The following IFNAR2 variants were observed in gnomAD, a reference collection of about 807,000 sequenced individuals.
IFNAR2 encodes interferon alpha/beta receptor 2.
IFNAR2 carries 30 observed loss-of-function variants against 49.4 expected under a neutral mutation model. The ratio of observed to expected loss-of-function variants is 0.61; its 90% CI spans 0.45 to 0.82. The LOEUF is 0.82. Among genes scored for constraint, IFNAR2 ranks in the 40% least tolerant of loss-of-function variants. The pLI, the probability that IFNAR2 is intolerant of heterozygous loss-of-function variation, is 0.00. For synonymous variants in IFNAR2, 224 were observed against 234.5 expected (o/e 0.96, Z 0.41); for missense variants, 600 against 622.7 (o/e 0.96, Z 0.39).
intron 7 of IFNAR2, among the ~76,000 whole-genome samples, chr21:33,254,594 G>A (rs999666874): frequency 6.6e-6 from 1 of 152,154 alleles, no homozygotes; most frequent in Non-Finnish European, 1.5e-5. Context: ...CCTGCTACCA[G>A]AGGCTTCATC....
At chr21:33,258,466 A>G (rs778602433) in intron 7 of IFNAR2, among the ~76,000 whole-genome samples, 18 of 152,216 alleles carry the variant, frequency 1.2e-4, no homozygotes, top group Non-Finnish European at 2.5e-4. Context: ...TAGAGCCTCC[A>G]TAAGGAGTTC....
At chr21:33,246,180 C>T (rs1987386100) in intron 4 of IFNAR2, among the ~76,000 whole-genome samples, 2 of 151,960 alleles carry the variant, frequency 1.3e-5, no homozygotes, top group African/African-American at 2.4e-5. Flanking sequence ...ACGCCATTCT[C>T]CTGCCTCAGC....
chr21:33,238,680 G>GT (rs5843594), intron 1 of IFNAR2, among the ~76,000 whole-genome samples: 47,914 of 149,714 alleles, frequency 0.32, 8,142 homozygotes, highest in East Asian at 0.58. Flanking sequence ...TGGGGGGGTT[G>GT]TTTTTTTTAA....
intron 1 of IFNAR2, among the ~76,000 whole-genome samples, chr21:33,240,622 C>A (rs983655727): frequency 1.3e-5 from 2 of 151,940 alleles, no homozygotes; most frequent in African/African-American, 4.8e-5. Flanking sequence ...TCAGCCTGGG[C>A]AACATAGTGA....
chr21:33,248,722 A>G lies in IFNAR2; in HGVS notation c.408A>G (p.Pro136=), dbSNP rs1309756963. ...FWLAIDMSFE[P]PEFEIVGFTN... is the part of the protein sequence containing the mutation. The stretch of plus-strand genomic sequence containing the variant: ...TTTTTTGCACAGTGTCTTTTGAACC[A>G]CCAGAGTTTGAGATTGTTGGTTTTA... Residue 136 remains proline, a synonymous_variant, in exon 6 of 9, where the codon CCA becomes CCG. Coordinates refer to ENST00000342136, the MANE Select transcript of IFNAR2 (RefSeq NM_001289125.3). 4 of 1,606,952 alleles carry G rather than the reference A, an allele frequency of 2.5e-6. No individual in the cohort carries two copies. Among genetic ancestry groups the G allele is most frequent in the African/African-American group, 1.3e-5 (1 of 74,570 alleles).
chr21:33,250,297 C>CT (rs1987751744), intron 6 of IFNAR2, among the ~76,000 whole-genome samples: 1 of 151,970 alleles, frequency 6.6e-6, no homozygotes, highest in East Asian at 1.9e-4. Context: ...GCAACTAACT[C>CT]TATGTTTTAG....
Position 33,230,100 on chromosome 21 carries a change from T to C in IFNAR2, c.-200T>C, listed in dbSNP as rs1267629793. On this transcript the variant is annotated 5_prime_UTR_variant, in exon 1 of 9. Transcript: ENST00000342136. This position sits in a 1 kb window ranked among gnomAD's most constrained non-coding sequence, Gnocchi z 5.5. The stretch of plus-strand genomic sequence containing the variant: ...GCTTTTGTCCCCCGCCCGCCGCTTC[T>C]GTCCGAGAGGCCGCCCGCGAGGCGC... 1 of 988,052 alleles carries C rather than the reference T, an allele frequency of 1.0e-6. No individual in the cohort carries two copies. Among genetic ancestry groups the C allele is most frequent in the African/African-American group, 1.7e-5 (1 of 57,236 alleles). 61.2% of individuals were successfully genotyped at this position (988,052 alleles called of 1,614,324 possible). A position where few individuals can be genotyped will look rare whatever the true frequency, so the allele number is the denominator to read the frequency against.
intron 6 of IFNAR2, chr21:33,252,019 G>T (rs1987873860): frequency 3.8e-6 from 1 of 265,216 alleles, no homozygotes; most frequent in African/African-American, 2.3e-5. Context: ...GGAGGTGGAG[G>T]TTGCAGTGAG....
At chr21:33,231,976 A>G (rs912192158) in intron 1 of IFNAR2, among the ~76,000 whole-genome samples, 3 of 152,190 alleles carry the variant, frequency 2.0e-5, no homozygotes, top group African/African-American at 7.2e-5. Context: ...CTGACCTCAA[A>G]TGATCCACCT....
chr21:33,235,570 T>A (rs1986386049), intron 1 of IFNAR2, among the ~76,000 whole-genome samples: 1 of 152,192 alleles, frequency 6.6e-6, no homozygotes, highest in Non-Finnish European at 1.5e-5. Context: ...TAAAGCCTTT[T>A]CTTCCACAGT....
intron 1 of IFNAR2, among the ~76,000 whole-genome samples, chr21:33,239,255 G>A (rs11909328): frequency 0.012 from 1,819 of 152,208 alleles, 35 homozygotes; most frequent in African/African-American, 0.041. Context: ...GTGTTCAGCC[G>A]ATGGGGAGCC....
Position 33,237,291 on chromosome 21 carries a change from T to A in IFNAR2, c.-83-4549T>A, listed in dbSNP as rs1137779. Among the ~76,000 whole-genome samples the A allele has an allele frequency of 5.0e-4, 76 of 151,746 alleles. No individual in the cohort carries two copies. The Middle Eastern group carries it at 0.01, about 20-fold the overall frequency. ...TCACATCCATAATCCAAGCCCTTTG[T>A]GGGGCTGAGGCCGGAGGATCACTTG... On this transcript the variant is annotated intron_variant, in intron 1 of 8. Transcript: ENST00000342136.
chr21:33,235,208 A>G (rs1986356803), intron 1 of IFNAR2, among the ~76,000 whole-genome samples: 1 of 152,190 alleles, frequency 6.6e-6, no homozygotes, highest in Non-Finnish European at 1.5e-5. Flanking sequence ...GTCCTGTCTT[A>G]TCAGCAGGGT....
chr21:33,260,634 T>G lies in IFNAR2; in HGVS notation c.747T>G (p.Thr249=), dbSNP rs768442811. Residue 249 remains threonine, a synonymous_variant, in exon 8 of 9, where the codon ACT becomes ACG. Coordinates refer to ENST00000342136, the MANE Select transcript of IFNAR2 (RefSeq NM_001289125.3). ...CTGCCAAAATAGGAGGAATAATTAC[T>G]GTGTTTTTGATAGCATTGGTCTTGA... ...AESAKIGGII[T]VFLIALVLTS... 10 of 1,598,564 alleles carry G rather than the reference T, an allele frequency of 6.3e-6. No homozygotes were observed. Among genetic ancestry groups the G allele is most frequent in the Admixed American group, 3.6e-5 (2 of 55,064 alleles).
At chr21:33,249,455 G>A (rs1016496550) in intron 6 of IFNAR2, among the ~76,000 whole-genome samples, 3 of 152,094 alleles carry the variant, frequency 2.0e-5, no homozygotes, top group Admixed American at 6.5e-5. Context: ...GTGAACCCTG[G>A]AGAGATTTAT....
chr21:33,242,775 G>A (rs1474366798), intron 2 of IFNAR2, among the ~76,000 whole-genome samples: 2 of 17,032 alleles, frequency 1.2e-4, no homozygotes, highest in Admixed American at 8.1e-4. Flanking sequence ...GTGTGTGTGT[G>A]TGTGTGTGTG....
chr21:33,242,733 A>AAAG (rs1394644685), intron 2 of IFNAR2, among the ~76,000 whole-genome samples: 1 of 98,772 alleles, frequency 1.0e-5, no homozygotes, highest in Non-Finnish European at 2.0e-5. Context: ...TGTCTCAAAA[A>AAAG]AAAAAAAAAA....
chr21:33,239,266 C>A (rs12482060), intron 1 of IFNAR2, among the ~76,000 whole-genome samples: 7 of 152,082 alleles, frequency 4.6e-5, no homozygotes, highest in East Asian at 1.9e-4. Context: ...ATGGGGAGCC[C>A]CAAATAAGAG....
chr21:33,232,979 A>G lies in IFNAR2; in HGVS notation c.-84+2763A>G, dbSNP rs17860128. ...AACGTGGATTGCAAGACGTCTTACT[A>G]AAAACAAAGAATTACACTTGGAACA... On this transcript the variant is annotated intron_variant, in intron 1 of 8. Transcript: ENST00000342136. 1.6e-3 allele frequency: 1,575 copies of G among 973,582 alleles called. 22 individuals are homozygous for G. In the African/African-American group the frequency reaches 0.026, roughly 16 times the overall value. The allele number at this position is 973,582 out of a possible 1,614,324, so 60.3% of individuals were successfully genotyped here.
Sources: allele counts gnomAD v4.1 joint callset (sites outside exome capture counted in the v4.1 genomes callset), GRCh38; gene constraint gnomAD v4.1.1; non-coding constraint Gnocchi (gnomAD v3.1); transcripts MANE v1.5; gene names NCBI Gene and HGNC (gene_info 2026-07-23, HGNC 2026-07-21).